CCDC160: variants seen among roughly 807,000 people sequenced by gnomAD.
CCDC160 encodes the protein coiled-coil domain-containing protein 160.
For missense variants in CCDC160, 227 were observed against 215.6 expected (o/e 1.05, Z -0.33); for synonymous variants, 94 against 79.4 (o/e 1.18, Z -0.98).
chrX:134,245,337 A>C (rs760040301), exon 2 of CCDC160: 13 of 1,190,263 alleles, frequency 1.1e-5, no homozygotes, highest in Non-Finnish European at 1.4e-5. Flanking sequence ...TGCACTACAA[A>C]AAAGAAATAT....
intron 1 of CCDC160, among the ~76,000 whole-genome samples, chrX:134,241,831 C>G (rs916127616): frequency 8.9e-6 from 1 of 111,836 alleles, no homozygotes; most frequent in Non-Finnish European, 1.9e-5. Context: ...TTTGGTTTGC[C>G]TTATGCTGGA....
intron 1 of CCDC160, among the ~76,000 whole-genome samples, chrX:134,239,102 T>A (rs183749633): frequency 7.2e-5 from 8 of 111,259 alleles, no homozygotes; most frequent in Admixed American, 4.8e-4. Context: ...CAAAAAAAAT[T>A]TTTTTTAAAC....
At chrX:134,238,399 G>A (rs764901660) in intron 1 of CCDC160, among the ~76,000 whole-genome samples, 56 of 92,385 alleles carry the variant, frequency 6.1e-4, no homozygotes, top group African/African-American at 2.2e-3. Flanking sequence ...TTGAGGCGGA[G>A]TCTTGCTCTG....
intron 1 of CCDC160, among the ~76,000 whole-genome samples, chrX:134,242,896 T>C (rs967724743): frequency 9.0e-6 from 1 of 111,276 alleles, no homozygotes; most frequent in African/African-American, 3.3e-5. Flanking sequence ...ATCATCTATA[T>C]AATTGTTGGG....
intron 1 of CCDC160, chrX:134,243,409 C>T (rs1299453926): frequency 8.1e-5 from 54 of 669,775 alleles, no homozygotes; most frequent in Non-Finnish European, 9.2e-5. Flanking sequence ...GAGGTATGTT[C>T]AGTACCTGTA....
chrX:134,239,813 A>G (rs1243798169), intron 1 of CCDC160, among the ~76,000 whole-genome samples: 2 of 111,900 alleles, frequency 1.8e-5, no homozygotes, highest in Admixed American at 1.9e-4. Context: ...ATCACCTGTG[A>G]AACAGGTATA....
chrX:134,242,390 T>G (rs2077030035), intron 1 of CCDC160, among the ~76,000 whole-genome samples: 1 of 111,178 alleles, frequency 9.0e-6, no homozygotes, highest in African/African-American at 3.3e-5. Context: ...GGGTCCTCAG[T>G]TTTACTACTA....
exon 2 of CCDC160, chrX:134,245,598 T>C (rs758349072): frequency 8.3e-6 from 10 of 1,207,571 alleles, no homozygotes; most frequent in Non-Finnish European, 1.1e-5. Context: ...TGAAATCATA[T>C]TATGAATTAG....
chrX:134,245,195 A>G (rs777926287), exon 2 of CCDC160: 1 of 1,196,959 alleles, frequency 8.4e-7, no homozygotes, highest in Non-Finnish European at 1.1e-6. Flanking sequence ...CTAAGACAAG[A>G]CATAAGAAAG....
exon 2 of CCDC160, chrX:134,245,457 C>T: frequency 8.4e-7 from 1 of 1,183,483 alleles, no homozygotes; most frequent in East Asian, 3.0e-5. Flanking sequence ...ATGTAAAAAA[C>T]TTAAGTGAAC....
exon 2 of CCDC160, chrX:134,245,757 C>T: frequency 4.4e-6 from 5 of 1,126,893 alleles, no homozygotes; most frequent in Non-Finnish European, 5.8e-6. Context: ...TCCTTGACCA[C>T]TTTACTGGGG....
At position 134,245,150 on chromosome X, in the gene CCDC160, ACT is replaced by A; in HGVS notation, c.353_354del (p.Ser118TyrfsTer6). ...GAAAGCTTTAACAGCACAGAAGATA[ACT>A]CTACCTGCAGTACAGATAACTTACC... is the stretch of plus-strand genomic sequence containing the variant. On this transcript the variant is annotated frameshift_variant, in exon 2 of 2. Transcript: ENST00000370809. LOFTEE classifies it low-confidence loss of function (END_TRUNC). 8.4e-7 allele frequency: 1 copy of A among 1,197,478 alleles called. No individual in the cohort carries two copies. The highest frequency in any genetic ancestry group is 1.1e-6 in the Non-Finnish European group (1 of 888,103).
In CCDC160 at chrX:134,239,295, A is replaced by G. The variant is rs190723400; in HGVS notation, c.-25+1952A>G. Among the ~76,000 whole-genome samples the G allele has an allele frequency of 6.2e-5, 7 of 112,141 alleles. No individual in the cohort carries two copies. The Admixed American group carries it at 6.7e-4, about 11-fold the overall frequency. ...CAGGAACAATTCAGAGTGCAAAATCATCCTTGCTAATCTTCAAACGAATAC... is the reference window on the plus strand; with the variant it reads ...CAGGAACAATTCAGAGTGCAAAATCGTCCTTGCTAATCTTCAAACGAATAC... On this transcript the variant is annotated intron_variant, in intron 1 of 1. Transcript: ENST00000370809.
intron 1 of CCDC160, among the ~76,000 whole-genome samples, chrX:134,238,117 G>A (rs1325445333): frequency 9.0e-6 from 1 of 111,463 alleles, no homozygotes; most frequent in Admixed American, 9.6e-5. Flanking sequence ...TGCTAATGCG[G>A]TTCCTGGCGT....
chrX:134,246,796 T>A (rs2077044340), downstream of CCDC160, among the ~76,000 whole-genome samples: 4 of 112,233 alleles, frequency 3.6e-5, no homozygotes, highest in Admixed American at 9.5e-5. Flanking sequence ...GGAGCTCTAT[T>A]TGCATGGTGT....
intron 1 of CCDC160, among the ~76,000 whole-genome samples, chrX:134,240,021 T>C (rs745775555): frequency 8.9e-6 from 1 of 111,908 alleles, no homozygotes; most frequent in South Asian, 3.7e-4. Context: ...TTCATTTGGG[T>C]CCTTCTTTTG....
At chrX:134,242,141 C>T (rs2077029276) in intron 1 of CCDC160, among the ~76,000 whole-genome samples, 1 of 110,902 alleles carries the variant, frequency 9.0e-6, no homozygotes, top group Non-Finnish European at 1.9e-5. Flanking sequence ...TGACCCTGCC[C>T]TGTGTAAGCC....
In CCDC160 at chrX:134,244,654, G is replaced by A. The variant is rs2077036393; in HGVS notation, c.-24-123G>A. 12 of 645,492 alleles carry A rather than the reference G, an allele frequency of 1.9e-5. No individual in the cohort carries two copies. The South Asian group carries it at 5.6e-4, about 30-fold the overall frequency. The allele number at this position is 645,492 out of a possible 1,213,427, so 53.2% of individuals were successfully genotyped here. A position where few individuals can be genotyped will look rare whatever the true frequency, so the allele number is the denominator to read the frequency against. On this transcript the variant is annotated intron_variant, in intron 1 of 1. Coordinates refer to ENST00000370809, the Ensembl canonical transcript of CCDC160. Reference sequence around the variant, plus strand: ...GGCCCAAGCCATTCAGTGAGTTAGAGAGAGAGCCAGCCCTCAAATGTTTAG... The same window carrying A: ...GGCCCAAGCCATTCAGTGAGTTAGAAAGAGAGCCAGCCCTCAAATGTTTAG...
At chrX:134,238,367 C>CTTTTTT (rs1161935568) in intron 1 of CCDC160, among the ~76,000 whole-genome samples, 24 of 75,491 alleles carry the variant, frequency 3.2e-4, no homozygotes, top group Non-Finnish European at 4.1e-4. Context: ...TATCACTTGT[C>CTTTTTT]TTTTTTTTTT....
Sources: gnomAD v4.1 joint callset for allele counts (sites outside exome capture counted in the v4.1 genomes callset) on GRCh38, gnomAD v4.1.1 for gene constraint, MANE v1.5 for transcripts, NCBI Gene and HGNC (gene_info 2026-07-23, HGNC 2026-07-21) for gene names.